TLK1: variants seen among roughly 807,000 people sequenced by gnomAD.
TLK1 encodes tousled like kinase 1, also known as serine/threonine-protein kinase tousled-like 1.
In TLK1, 24 loss-of-function variants were observed where a neutral mutation model predicts 105.3. The observed-to-expected ratio is 0.23, with a 90% confidence interval of 0.17 to 0.32. The LOEUF (loss-of-function observed/expected upper bound fraction) is 0.32, where lower values mean the gene tolerates loss of function less well. Ranked by LOEUF, TLK1 falls within the 10% of genes least tolerant of loss-of-function variation. The pLI is 1.00. For missense variants in TLK1, 558 were observed against 910.5 expected (o/e 0.61, Z 4.98); for synonymous variants, 321 against 310.4 (o/e 1.03, Z -0.36).
chr2:170,994,084 C>A (rs1683931843), intron 20 of TLK1, 128 bp from the exon 21 acceptor site: 3 of 1,064,518 alleles, frequency 2.8e-6, no homozygotes, highest in Non-Finnish European at 2.5e-6. Context: ...GAAGTTCAAA[C>A]CTTAAAAAAA....
At chr2:171,113,305 T>C (rs986115261) in intron 2 of TLK1, among the ~76,000 whole-genome samples, 2 of 151,378 alleles carry the variant, frequency 1.3e-5, no homozygotes, top group Admixed American at 1.3e-4. Context: ...TGTCTCACTC[T>C]TGTCACCCAG....
At chr2:171,221,152 G>T (rs530700837) in intron 1 of TLK1, among the ~76,000 whole-genome samples, 1 of 152,292 alleles carries the variant, frequency 6.6e-6, no homozygotes, top group Admixed American at 6.5e-5. Context: ...CACATTTCTG[G>T]TTTTGTCATA....
At chr2:171,225,971 T>C (rs1341407948) in intron 1 of TLK1, among the ~76,000 whole-genome samples, 1 of 152,162 alleles carries the variant, frequency 6.6e-6, no homozygotes, top group Non-Finnish European at 1.5e-5. Context: ...TTTTCTGGTA[T>C]TAGGTTTGTT....
intron 20 of TLK1, among the ~76,000 whole-genome samples, chr2:170,995,124 A>G (rs1362432167): frequency 6.6e-6 from 1 of 152,144 alleles, no homozygotes; most frequent in Admixed American, 6.5e-5. Flanking sequence ...TCTTTAACAA[A>G]GTTTCAGAGA....
intron 1 of TLK1, among the ~76,000 whole-genome samples, chr2:171,194,635 G>A (rs569075982): frequency 1.3e-5 from 2 of 152,102 alleles, no homozygotes; most frequent in East Asian, 3.9e-4. Context: ...GGCTAACACG[G>A]TGAAACTCCA....
intron 2 of TLK1, among the ~76,000 whole-genome samples, chr2:171,087,939 C>T (rs1465560993): frequency 6.6e-6 from 1 of 152,120 alleles, no homozygotes; most frequent in Non-Finnish European, 1.5e-5. Flanking sequence ...AGTTAGCAGC[C>T]AAGCTTTTAC....
chr2:171,009,291 C>CTTTTT lies in TLK1; in HGVS notation c.1416+2077_1416+2081dup, dbSNP rs71008743. On this transcript the variant is annotated intron_variant, in intron 14 of 20. Coordinates refer to ENST00000431350, the MANE Select transcript of TLK1 (RefSeq NM_012290.5). The stretch of plus-strand genomic sequence containing the variant: ...CATGCAACAGTCAGGATTTCTTTTC[C>CTTTTT]TTTTTTTTTTTTTTTTTTTTTTTTT... 7.0e-3 allele frequency among the ~76,000 whole-genome samples: 527 copies of CTTTTT among 74,832 alleles called. 42 individuals are homozygous for CTTTTT. The highest frequency in any genetic ancestry group is 0.017 in the African/African-American group (285 of 16,380). 49.1% of individuals were successfully genotyped at this position (74,832 alleles called of 152,430 possible).
intron 1 of TLK1, among the ~76,000 whole-genome samples, chr2:171,135,576 G>A (rs531649491): frequency 6.6e-6 from 1 of 151,992 alleles, no homozygotes; most frequent in Admixed American, 6.6e-5. Flanking sequence ...CGAGGAGGGT[G>A]GATCACCTGA....
intron 2 of TLK1, among the ~76,000 whole-genome samples, chr2:171,085,752 A>C (rs1688944893): frequency 6.6e-6 from 1 of 152,242 alleles, no homozygotes; most frequent in Admixed American, 6.5e-5. Flanking sequence ...TAAGACAACC[A>C]AAATGAATAG....
chr2:171,038,494 T>C (rs1188895296), intron 11 of TLK1, among the ~76,000 whole-genome samples: 1 of 152,206 alleles, frequency 6.6e-6, no homozygotes, highest in Non-Finnish European at 1.5e-5. Flanking sequence ...ATTTTACCAA[T>C]TTTGTTATGT....
chr2:171,080,472 T>TTAAGG (rs59964291), intron 3 of TLK1, among the ~76,000 whole-genome samples: 58,917 of 149,490 alleles, frequency 0.39, 13,110 homozygotes, highest in African/African-American at 0.58. Flanking sequence ...AATTCATTAA[T>TTAAGG]TATCAACTAT....
chr2:171,198,082 A>T (rs1034509339), intron 1 of TLK1, among the ~76,000 whole-genome samples: 3 of 152,158 alleles, frequency 2.0e-5, no homozygotes, highest in Non-Finnish European at 4.4e-5. Context: ...AACAACTTGC[A>T]TAGGGGAGAT....
chr2:171,059,789 T>TAA (rs1004262928), intron 4 of TLK1: 2 of 660,604 alleles, frequency 3.0e-6, no homozygotes, highest in African/African-American at 3.5e-5. Flanking sequence ...TAGATTCTCA[T>TAA]AAGGGAGTGC....
intron 1 of TLK1, among the ~76,000 whole-genome samples, chr2:171,198,758 A>G (rs1292629964): frequency 6.6e-6 from 1 of 152,252 alleles, no homozygotes; most frequent in Non-Finnish European, 1.5e-5. Flanking sequence ...TCTGACTCTG[A>G]TAAATTTATC....
chr2:171,126,298 C>T (rs1690865379), intron 1 of TLK1, among the ~76,000 whole-genome samples: 1 of 152,076 alleles, frequency 6.6e-6, no homozygotes, highest in Admixed American at 6.5e-5. Flanking sequence ...CACAATCCGA[C>T]CCATTAGTTT....
chr2:171,229,678 C>T (rs1479684918), intron 1 of TLK1, among the ~76,000 whole-genome samples: 1 of 152,216 alleles, frequency 6.6e-6, no homozygotes, highest in East Asian at 1.9e-4. Flanking sequence ...TGCATTTGCA[C>T]AACTAAGTAG....
intron 1 of TLK1, among the ~76,000 whole-genome samples, chr2:171,222,938 C>T (rs1191601984): frequency 1.3e-5 from 2 of 152,118 alleles, no homozygotes; most frequent in South Asian, 2.1e-4. Context: ...CATCAGCCTC[C>T]TGAGTAACTG....
intron 2 of TLK1, among the ~76,000 whole-genome samples, chr2:171,116,861 CT>C (rs1690454818): frequency 1.3e-5 from 2 of 152,162 alleles, no homozygotes; most frequent in Non-Finnish European, 2.9e-5. Flanking sequence ...ATTAGTACAA[CT>C]GTTCTGAATA....
upstream of TLK1, among the ~76,000 whole-genome samples, chr2:171,165,397 C>T (rs1692588599): frequency 6.6e-6 from 1 of 152,122 alleles, no homozygotes. Flanking sequence ...GATGGAAGGT[C>T]AGATGCAAAA....
Sources: gnomAD v4.1 joint callset for allele counts (sites outside exome capture counted in the v4.1 genomes callset) on GRCh38, gnomAD v4.1.1 for gene constraint, MANE v1.5 for transcripts, NCBI Gene and HGNC (gene_info 2026-07-23, HGNC 2026-07-21) for gene names.